Variants in LILRA1 observed in about 807,000 individuals in gnomAD.
The protein encoded by LILRA1 is leukocyte immunoglobulin-like receptor subfamily A member 1.
A neutral mutation model predicts 51.6 loss-of-function variants in LILRA1; 51 were observed. The observed-to-expected ratio is 0.99, with a 90% CI of 0.79 to 1.25. The LOEUF (loss-of-function observed/expected upper bound fraction) is 1.25, where lower values mean the gene tolerates loss of function less well. Among genes scored for constraint, LILRA1 ranks in the 50% most tolerant of loss-of-function variants. The probability of loss-of-function intolerance (pLI) is 0.00; values close to 1 mark genes in which losing one functional copy is unlikely to be tolerated. For synonymous variants in LILRA1, 305 were observed against 248.4 expected (o/e 1.23, Z -2.14); for missense variants, 660 against 611.7 (o/e 1.08, Z -0.83).
rs2063038579 is a variant in LILRA1, at chr19:54,595,897, G to T, written c.920G>T (p.Trp307Leu). 3.7e-6 allele frequency: 6 copies of T among 1,613,476 alleles called. No individual in the cohort carries two copies. The highest frequency in any genetic ancestry group is 1.3e-5 in the African/African-American group (1 of 74,922). ...CSGAYNLSSEWSAPSDPLDIL... is the reference protein window; with the variant it reads ...CSGAYNLSSELSAPSDPLDIL... ...GGTGCATACAACCTCTCCTCCGAGT[G>T]GTCGGCCCCCAGCGACCCCCTGGAC... Residue 307 changes from tryptophan (W) to leucine (L), a missense_variant, in exon 6 of 10, where the codon TGG (tryptophan) becomes TTG (leucine). Coordinates refer to ENST00000251372, the MANE Select transcript of LILRA1 (RefSeq NM_006863.4).
At position 54,600,758 on chromosome 19, in the gene LILRA1, G is replaced by T. The variant is rs1257521245; in HGVS notation, c.1411G>T (p.Val471Phe). ...NLIRMGIAGL[V>F]LVVLGILLFE... ...CATCCGCATGGGCATAGCTGGCTTGGTCCTGGTGGTCCTCGGGATTCTGCT... is the reference window on the plus strand; with the variant it reads ...CATCCGCATGGGCATAGCTGGCTTGTTCCTGGTGGTCCTCGGGATTCTGCT... The change falls in exon 10 of 10, where the codon GTC becomes TTC. Residue 471 changes from valine to phenylalanine, a missense_variant. Physicochemically the swap from Val to Phe is conservative, Grantham distance 50 (BLOSUM62 -1). Transcript: ENST00000251372. The T allele has an allele frequency of 6.2e-7, 1 of 1,614,132 alleles. No homozygotes were observed. The highest frequency in any genetic ancestry group is 2.2e-5 in the East Asian group (1 of 44,874).
At chr19:54,597,663 G>T (rs1335786143) in intron 7 of LILRA1, among the ~76,000 whole-genome samples, 1 of 151,890 alleles carries the variant, frequency 6.6e-6, no homozygotes, top group African/African-American at 2.4e-5. Flanking sequence ...TTGGAAAGAG[G>T]ACAGACAGAC....
rs113310926 is a variant in LILRA1 at position 54,596,866 on chromosome 19, C to CA, written c.1261+384dup. On this transcript the variant is annotated intron_variant, in intron 7 of 9. Transcript: ENST00000251372. ...TGGGCAAGACAGCGAGACTCCATCTCAAAAAAAAAGGAAAAGAAAAGAGTG... is the reference window on the plus strand; with the variant it reads ...TGGGCAAGACAGCGAGACTCCATCTCAAAAAAAAAAGGAAAAGAAAAGAGTG... Among the ~76,000 whole-genome samples, 626 of 145,464 alleles carry CA rather than the reference C, an allele frequency of 4.3e-3. 1 individual carries two copies. Among genetic ancestry groups the CA allele is most frequent in the Non-Finnish European group, 6.1e-3 (404 of 66,292 alleles).
At chr19:54,600,382 C>A (rs1600277454) in intron 8 of LILRA1, 130 bp from the exon 9 acceptor site, 7 of 826,620 alleles carry the variant, frequency 8.5e-6, no homozygotes, top group Non-Finnish European at 5.9e-6. Context: ...CTGGAGGGAA[C>A]CCTGCTACAC....
In LILRA1 at chr19:54,594,886, T is replaced by C; in HGVS notation, c.292T>C (p.Cys98Arg). ...ITWEHTGRYR[C>R]FYGSHTAGWS... ...CTGGGAACACACAGGGCGGTATCGC[T>C]GTTTCTACGGTAGCCACACTGCAGG... is the stretch of plus-strand genomic sequence containing the variant. The change falls in exon 4 of 10, where the codon TGT (cysteine) becomes CGT (arginine). Residue 98 changes from cysteine to arginine, a missense_variant. Transcript: ENST00000251372. 6.2e-7 allele frequency: 1 copy of C among 1,614,132 alleles called. No homozygotes were observed. The highest frequency in any genetic ancestry group is 1.1e-5 in the South Asian group (1 of 91,086).
intron 7 of LILRA1, among the ~76,000 whole-genome samples, chr19:54,598,130 T>C (rs1157634265): frequency 2.0e-5 from 3 of 151,892 alleles, no homozygotes; most frequent in South Asian, 2.1e-4. Context: ...GTCTCATATG[T>C]CATTCATTTC....
At chr19:54,599,472 A>T in intron 8 of LILRA1, 186 bp downstream of exon 8, 1 of 1,254,176 alleles carries the variant, frequency 8.0e-7, no homozygotes, top group East Asian at 5.1e-5. Flanking sequence ...AATAAGAGAT[A>T]ACTATCCATG....
In LILRA1 at chr19:54,595,908, A is replaced by C. The variant is rs746573417; in HGVS notation, c.931A>C (p.Ser311Arg). ...CCTCTCCTCCGAGTGGTCGGCCCCC[A>C]GCGACCCCCTGGACATCCTGATCGC... ...YNLSSEWSAP[S>R]DPLDILIAGQ... Residue 311 changes from serine (S) to arginine (R), a missense_variant, in exon 6 of 10, where the codon AGC becomes CGC. Ser to Arg is a moderately radical substitution (Grantham distance 110, BLOSUM62 -1). Coordinates refer to ENST00000251372, the MANE Select transcript of LILRA1 (RefSeq NM_006863.4). The C allele has an allele frequency of 1.2e-6, 2 of 1,613,156 alleles. No individual in the cohort carries two copies. Among genetic ancestry groups the C allele is most frequent in the African/African-American group, 1.3e-5 (1 of 74,906 alleles).
intron 7 of LILRA1, 55 bp downstream of exon 7, chr19:54,596,546 C>A: frequency 6.2e-7 from 1 of 1,606,672 alleles, no homozygotes; most frequent in Non-Finnish European, 8.5e-7. Flanking sequence ...CAGGCCCTGC[C>A]CCCCAGGAGA....
chr19:54,599,004 T>C (rs545661240), intron 7 of LILRA1, among the ~76,000 whole-genome samples: 7 of 151,900 alleles, frequency 4.6e-5, no homozygotes, highest in Non-Finnish European at 7.4e-5. Context: ...CCATGTTGGC[T>C]AGGCTGGTCT....
chr19:54,599,923 C>CAT (rs146364390), intron 8 of LILRA1, among the ~76,000 whole-genome samples: 6,074 of 150,722 alleles, frequency 0.04, 139 homozygotes, highest in South Asian at 0.057. Context: ...CTCCATTTAG[C>CAT]ATATATATAT....
At chr19:54,596,777 G>T (rs1158931796) in intron 7 of LILRA1, among the ~76,000 whole-genome samples, 1 of 152,132 alleles carries the variant, frequency 6.6e-6, no homozygotes, top group Non-Finnish European at 1.5e-5. Context: ...TGAGGCAGGA[G>T]AATGGCATGA....
At position 54,596,448 on chromosome 19, in the gene LILRA1, C is replaced by A; in HGVS notation, c.1218C>A (p.Tyr406Ter). The part of the protein sequence containing the change: ...RCYGSLSSNP[Y>*]LLSHPSDSLE... The stretch of plus-strand genomic sequence containing the variant: ...ACGGCTCACTCAGCTCCAACCCCTA[C>A]CTGCTGTCTCACCCCAGTGACTCCC... The change falls in exon 7 of 10, where the codon TAC (tyrosine) becomes TAA (stop). Residue 406 changes from tyrosine to a stop codon, truncating the protein, a stop_gained. Transcript: ENST00000251372. LOFTEE classifies it high-confidence loss of function. 2 of 1,614,188 alleles carry A rather than the reference C, an allele frequency of 1.2e-6. No individual in the cohort carries two copies. The highest frequency in any genetic ancestry group is 1.7e-6 in the Non-Finnish European group (2 of 1,180,036).
rs1257844451 is a variant in LILRA1 at position 54,594,449 on chromosome 19, C to T, written c.43C>T (p.Leu15=). 10 of 1,614,176 alleles carry T rather than the reference C, an allele frequency of 6.2e-6. No individual in the cohort carries two copies. The highest frequency in any genetic ancestry group is 1.3e-5 in the African/African-American group (1 of 75,066). The change falls in exon 3 of 10, where the codon CTG becomes TTG. Residue 15 remains leucine, a synonymous_variant. Transcript: ENST00000251372. ...AGGGAACTCTCTTCCAGGGCTGAGT[C>T]TGGGCCCCCGGACCCACGTGCAGGC... The part of the protein sequence containing the change: ...VTVLICLRLS[L]GPRTHVQAGT...
rs1295352284 is a variant in LILRA1, at chr19:54,595,118, C to T, written c.377C>T (p.Thr126Ile). Residue 126 changes from threonine (T) to isoleucine (I), a missense_variant, in exon 5 of 10, where the codon ACC (threonine) becomes ATC (isoleucine). Physicochemically the swap from Thr to Ile is moderately conservative, Grantham distance 89 (BLOSUM62 -1). Transcript: ENST00000251372. The part of the protein sequence containing the change: ...LVVTGAYIKP[T>I]LSALPSPVVT... ...CTCCTAGGAGCCTACATCAAACCCA[C>T]CCTCTCAGCTCTACCCAGCCCTGTG... is the stretch of plus-strand genomic sequence containing the variant. The T allele has an allele frequency of 2.8e-5, 45 of 1,613,638 alleles. No homozygotes were observed. Among genetic ancestry groups the T allele is most frequent in the Non-Finnish European group, 3.6e-5 (42 of 1,179,756 alleles).
At chr19:54,594,322 C>A in intron 2 of LILRA1, 44 bp downstream of exon 2, 1 of 1,613,434 alleles carries the variant, frequency 6.2e-7, no homozygotes, top group Non-Finnish European at 8.5e-7. Context: ...TAGGAGGGAC[C>A]TCACCCCACA....
intron 2 of LILRA1, 58 bp downstream of exon 2, chr19:54,594,336 G>T: frequency 1.2e-6 from 2 of 1,611,600 alleles, no homozygotes; most frequent in Non-Finnish European, 1.7e-6. Flanking sequence ...CCCCACAGCC[G>T]ACCTCTAGTC....
chr19:54,598,475 G>C (rs114611590), intron 7 of LILRA1, among the ~76,000 whole-genome samples: 2,154 of 152,198 alleles, frequency 0.014, 57 homozygotes, highest in African/African-American at 0.049. Flanking sequence ...TGAGAAACCC[G>C]GGGGAGGTCA....
intron 7 of LILRA1, 125 bp from the exon 8 acceptor site, chr19:54,599,111 A>G (rs536213133): frequency 5.1e-6 from 6 of 1,186,350 alleles, no homozygotes; most frequent in Middle Eastern, 3.6e-4. Context: ...AATTTTTTAA[A>G]TGTCTACCCA....
Sources: allele counts gnomAD v4.1 joint callset (sites outside exome capture counted in the v4.1 genomes callset), GRCh38; gene constraint gnomAD v4.1.1; transcripts MANE v1.5; gene names NCBI Gene and HGNC (gene_info 2026-07-23, HGNC 2026-07-21).